AGPAT4: variants seen among roughly 807,000 people sequenced by gnomAD.
The protein encoded by AGPAT4 is 1-acylglycerol-3-phosphate O-acyltransferase 4, also known as 1-acyl-sn-glycerol-3-phosphate acyltransferase delta.
Under a neutral mutation model 48.0 loss-of-function variants are expected in AGPAT4, and 15 were observed. The observed-to-expected ratio is 0.31, with a 90% CI of 0.21 to 0.48. The LOEUF (loss-of-function observed/expected upper bound fraction) is 0.48. Among genes scored for constraint, AGPAT4 ranks in the 20% least tolerant of loss-of-function variants. The pLI, the probability that AGPAT4 is intolerant of heterozygous loss-of-function variation, is 0.99. For missense variants in AGPAT4, 314 were observed against 482.5 expected, an observed-to-expected ratio of 0.65 and a Z score of 3.27; for synonymous variants, 178 against 198.7, an observed-to-expected ratio of 0.90 and a Z score of 0.88.
rs992952852 is a variant in AGPAT4 at position 161,216,812 on chromosome 6, C to T, written c.178+15224G>A. 6.6e-6 allele frequency among the ~76,000 whole-genome samples: 1 copy of T among 152,064 alleles called. No homozygotes were observed. The highest frequency in any genetic ancestry group is 1.5e-5 in the Non-Finnish European group (1 of 68,016). Reference sequence around the variant, plus strand: ...GAGACTTACTATCACGAGACTAGCACGAGAAAAACTGGCCCTCATGATTCA... The same window carrying T: ...GAGACTTACTATCACGAGACTAGCATGAGAAAAACTGGCCCTCATGATTCA... On this transcript the variant is annotated intron_variant, in intron 2 of 8. Coordinates refer to ENST00000320285, the MANE Select transcript of AGPAT4 (RefSeq NM_020133.3). This position sits in a 1 kb window ranked among gnomAD's most constrained non-coding sequence, Gnocchi z 4.8.
chr6:161,213,703 T>C (rs1327050042), intron 2 of AGPAT4, among the ~76,000 whole-genome samples: 1 of 152,206 alleles, frequency 6.6e-6, no homozygotes, highest in African/African-American at 2.4e-5. Context: ...ATGTGGCCTA[T>C]ATTGATTTTT....
Position 161,165,223 on chromosome 6 carries a change from G to A in AGPAT4, c.348+1025C>T, listed in dbSNP as rs1306723475. Among the ~76,000 whole-genome samples, 2 of 152,098 alleles carry A rather than the reference G, an allele frequency of 1.3e-5. No individual in the cohort carries two copies. The highest frequency in any genetic ancestry group is 1.9e-4 in the East Asian group (1 of 5,190). The stretch of plus-strand genomic sequence containing the variant: ...GAAATATATTTGCACACACACACAC[G>A]TGTACACACAAGAAGATATCAAGTT... On this transcript the variant is annotated intron_variant, in intron 3 of 8. Coordinates refer to ENST00000320285, the MANE Select transcript of AGPAT4 (RefSeq NM_020133.3). The surrounding 1 kb of genome is among the most constrained non-coding windows in gnomAD (Gnocchi z 5.5).
Position 161,220,178 on chromosome 6 carries a change from T to A in AGPAT4, c.178+11858A>T, listed in dbSNP as rs562679503. 1.3e-5 allele frequency among the ~76,000 whole-genome samples: 2 copies of A among 152,310 alleles called. No individual in the cohort carries two copies. Among genetic ancestry groups the A allele is most frequent in the East Asian group, 3.9e-4 (2 of 5,192 alleles). ...GGTATGTCAGCCACACAGCCTGCGC[T>A]ATCACCAGATGACCTGAGCTAATAA... On this transcript the variant is annotated intron_variant, in intron 2 of 8. Coordinates refer to ENST00000320285, the MANE Select transcript of AGPAT4 (RefSeq NM_020133.3). This position sits in a 1 kb window ranked among gnomAD's most constrained non-coding sequence, Gnocchi z 6.0.
Position 161,232,845 on chromosome 6 carries a change from C to T in AGPAT4, c.-89-543G>A, listed in dbSNP as rs1231008736. On this transcript the variant is annotated intron_variant, in intron 1 of 8. Transcript: ENST00000320285. The surrounding 1 kb of genome is among the most constrained non-coding windows in gnomAD (Gnocchi z 6.8). Reference sequence around the variant, plus strand: ...GCCCTGGACAAGGACGAGGACATACCCAGAGTGGGTGCCACCCCTCAAGCA... The same window carrying T: ...GCCCTGGACAAGGACGAGGACATACTCAGAGTGGGTGCCACCCCTCAAGCA... 1.3e-5 allele frequency among the ~76,000 whole-genome samples: 2 copies of T among 152,188 alleles called. No individual in the cohort carries two copies. The highest frequency in any genetic ancestry group is 3.9e-4 in the East Asian group (2 of 5,186).
Position 161,223,107 on chromosome 6 carries a change from C to T in AGPAT4, c.178+8929G>A, listed in dbSNP as rs890374298. Among the ~76,000 whole-genome samples the T allele has an allele frequency of 1.3e-5, 2 of 152,156 alleles. No individual in the cohort carries two copies. The highest frequency in any genetic ancestry group is 1.5e-5 in the Non-Finnish European group (1 of 68,030). ...TGTGTACCTCCAGTCTAATCATCAA[C>T]TCACTGCTCTACCATGCTGGGTCTA... On this transcript the variant is annotated intron_variant, in intron 2 of 8. Transcript: ENST00000320285. This position sits in a 1 kb window ranked among gnomAD's most constrained non-coding sequence, Gnocchi z 6.3.
In AGPAT4 at chr6:161,130,856, T is replaced by C. The variant is rs762761356; in HGVS notation, c.*5684A>G. On this transcript the variant is annotated 3_prime_UTR_variant, in exon 9 of 9. Transcript: ENST00000320285. ...CCATCCCGTACTAGTTCATCAACTTTCCTTCCTCATGATCTGCAAAGATAC... is the reference window on the plus strand; with the variant it reads ...CCATCCCGTACTAGTTCATCAACTTCCCTTCCTCATGATCTGCAAAGATAC... The C allele has an allele frequency of 1.2e-5, 6 of 518,936 alleles. No homozygotes were observed. The East Asian group carries it at 3.3e-4, about 28-fold the overall frequency. The allele number at this position is 518,936 out of a possible 1,614,324, so 32.1% of individuals were successfully genotyped here.
In AGPAT4 at chr6:161,254,990, C is replaced by T. The variant is rs1314082647; in HGVS notation, c.-90+18948G>A. Among the ~76,000 whole-genome samples the T allele has an allele frequency of 6.6e-6, 1 of 152,178 alleles. No individual in the cohort carries two copies. Among genetic ancestry groups the T allele is most frequent in the Non-Finnish European group, 1.5e-5 (1 of 68,038 alleles). The stretch of plus-strand genomic sequence containing the variant: ...CAAACTGCAGAACACACCCGGCAAG[C>T]TGTTCTTATCGTTCCGAGGCCATTG... On this transcript the variant is annotated intron_variant, in intron 1 of 8. Coordinates refer to ENST00000320285, the MANE Select transcript of AGPAT4 (RefSeq NM_020133.3). This position sits in a 1 kb window ranked among gnomAD's most constrained non-coding sequence, Gnocchi z 5.9.
chr6:161,163,167 C>A (rs1168602365), intron 3 of AGPAT4, among the ~76,000 whole-genome samples: 1 of 152,222 alleles, frequency 6.6e-6, no homozygotes, highest in African/African-American at 2.4e-5. Context: ...CATTACTTTC[C>A]CCAAAAAGAC....
In AGPAT4 at chr6:161,262,207, T is replaced by TA. The variant is rs377016974; in HGVS notation, c.-90+11730dup. Among the ~76,000 whole-genome samples the TA allele has an allele frequency of 1.7e-4, 26 of 150,960 alleles. No individual in the cohort carries two copies. The highest frequency in any genetic ancestry group is 4.1e-4 in the African/African-American group (17 of 41,084). On this transcript the variant is annotated intron_variant, in intron 1 of 8. Coordinates refer to ENST00000320285, the MANE Select transcript of AGPAT4 (RefSeq NM_020133.3). The surrounding 1 kb of genome is among the most constrained non-coding windows in gnomAD (Gnocchi z 4.9). ...TCAGCCCATAATCATTTATAGAACT[T>TA]AAAAAAAAATGAGCCTGAATTGGTT...
Position 161,266,747 on chromosome 6 carries a change from T to C in AGPAT4, c.-90+7191A>G, listed in dbSNP as rs138723087. ...ACACAGTCTGAGATGATTGCATTGA[T>C]TGTCTGCTGATGGCTGCAGTATCCT... On this transcript the variant is annotated intron_variant, in intron 1 of 8. Coordinates refer to ENST00000320285, the MANE Select transcript of AGPAT4 (RefSeq NM_020133.3). This position sits in a 1 kb window ranked among gnomAD's most constrained non-coding sequence, Gnocchi z 6.2. 6.6e-6 allele frequency among the ~76,000 whole-genome samples: 1 copy of C among 152,334 alleles called. No homozygotes were observed. The highest frequency in any genetic ancestry group is 1.5e-5 in the Non-Finnish European group (1 of 68,036).
In AGPAT4 at chr6:161,155,080, T is replaced by G. The variant is rs1055499256; in HGVS notation, c.349-770A>C. 2.0e-5 allele frequency among the ~76,000 whole-genome samples: 3 copies of G among 152,056 alleles called. No individual in the cohort carries two copies. Among genetic ancestry groups the G allele is most frequent in the Non-Finnish European group, 4.4e-5 (3 of 68,010 alleles). On this transcript the variant is annotated intron_variant, in intron 3 of 8. Coordinates refer to ENST00000320285, the MANE Select transcript of AGPAT4 (RefSeq NM_020133.3). This position sits in a 1 kb window ranked among gnomAD's most constrained non-coding sequence, Gnocchi z 5.8. ...GGGGCAGAAGCACCTGCCAGAGACCTTCTTGAGGCTGACGCAGGTGCACGA... is the reference window on the plus strand; with the variant it reads ...GGGGCAGAAGCACCTGCCAGAGACCGTCTTGAGGCTGACGCAGGTGCACGA...
chr6:161,210,493 A>G (rs904752888), intron 2 of AGPAT4, among the ~76,000 whole-genome samples: 1 of 152,220 alleles, frequency 6.6e-6, no homozygotes, highest in African/African-American at 2.4e-5. Flanking sequence ...TGTGTACACA[A>G]TGTTTCACTA....
At chr6:161,273,651 G>T (rs900673287) in intron 1 of AGPAT4, among the ~76,000 whole-genome samples, 1 of 152,056 alleles carries the variant, frequency 6.6e-6, no homozygotes, top group African/African-American at 2.4e-5. Context: ...GGTAAATGAA[G>T]CCAGGAACAG....
intron 2 of AGPAT4, among the ~76,000 whole-genome samples, chr6:161,227,793 A>C (rs1167315551): frequency 6.6e-6 from 1 of 152,266 alleles, no homozygotes; most frequent in East Asian, 1.9e-4. Context: ...GTAGTGTTGT[A>C]AGAGGCAATA....
intron 1 of AGPAT4, among the ~76,000 whole-genome samples, chr6:161,247,015 T>C (rs933396708): frequency 6.6e-5 from 10 of 152,184 alleles, no homozygotes; most frequent in African/African-American, 2.2e-4. Flanking sequence ...ACAAGATTGC[T>C]CTCCATACCT....
In AGPAT4 at chr6:161,220,876, C is replaced by T. The variant is rs1248318356; in HGVS notation, c.178+11160G>A. ...TCGGCTCACTGCAACTTCTGCCTCC[C>T]GGGTTCAAGCAATTCTCCTGCCTCA... is the stretch of plus-strand genomic sequence containing the variant. On this transcript the variant is annotated intron_variant, in intron 2 of 8. Coordinates refer to ENST00000320285, the MANE Select transcript of AGPAT4 (RefSeq NM_020133.3). The surrounding 1 kb of genome is among the most constrained non-coding windows in gnomAD (Gnocchi z 6.0). Among the ~76,000 whole-genome samples the T allele has an allele frequency of 6.6e-6, 1 of 152,050 alleles. No homozygotes were observed. Among genetic ancestry groups the T allele is most frequent in the Non-Finnish European group, 1.5e-5 (1 of 68,008 alleles).
Position 161,166,481 on chromosome 6 carries a change from G to T in AGPAT4, c.179-64C>A. 1.3e-6 allele frequency: 2 copies of T among 1,495,368 alleles called. No homozygotes were observed. The highest frequency in any genetic ancestry group is 1.3e-5 in the South Asian group (1 of 74,662). The allele number at this position is 1,495,368 out of a possible 1,614,324, so 92.6% of individuals were successfully genotyped here. ...AGCCTTGTCCTGGGAGCCCTGCTGA[G>T]AGCAGGGCTCTGCCCTCCCAGCTAG... On this transcript the variant is annotated intron_variant, in intron 2 of 8. Transcript: ENST00000320285. The surrounding 1 kb of genome is among the most constrained non-coding windows in gnomAD (Gnocchi z 6.7).
rs1308962608 is a variant in AGPAT4 at position 161,141,458 on chromosome 6, C to G, written c.844-1838G>C. ...CAGGCAATGCCCAGAGAGGTGGCAC[C>G]CAACTCTGCCAGGGAAGCAGCGGCA... is the stretch of plus-strand genomic sequence containing the variant. On this transcript the variant is annotated intron_variant, in intron 7 of 8. Coordinates refer to ENST00000320285, the MANE Select transcript of AGPAT4 (RefSeq NM_020133.3). This position sits in a 1 kb window ranked among gnomAD's most constrained non-coding sequence, Gnocchi z 6.7. Among the ~76,000 whole-genome samples, 1 of 152,138 alleles carries G rather than the reference C, an allele frequency of 6.6e-6. No individual in the cohort carries two copies. The highest frequency in any genetic ancestry group is 1.5e-5 in the Non-Finnish European group (1 of 68,026).
intron 2 of AGPAT4, among the ~76,000 whole-genome samples, chr6:161,173,804 C>A (rs886957832): frequency 6.6e-6 from 1 of 152,024 alleles, no homozygotes; most frequent in South Asian, 2.1e-4. Flanking sequence ...CTTTAATCCA[C>A]CTTGAATTAA....
Sources: gnomAD v4.1 joint callset for allele counts (sites outside exome capture counted in the v4.1 genomes callset) on GRCh38, gnomAD v4.1.1 for gene constraint, Gnocchi (gnomAD v3.1) non-coding constraint, MANE v1.5 for transcripts, NCBI Gene and HGNC (gene_info 2026-07-23, HGNC 2026-07-21) for gene names.